ANKS4B: variants seen among roughly 807,000 people sequenced by gnomAD.
The protein encoded by ANKS4B is ankyrin repeat and SAM domain-containing protein 4B.
A neutral mutation model predicts 20.2 loss-of-function variants in ANKS4B; 21 were observed. The observed-to-expected ratio is 1.04, with a 90% confidence interval of 0.74 to 1.50. The LOEUF is 1.50. Ranked by LOEUF, ANKS4B falls within the 40% of genes most tolerant of loss-of-function variation. The probability of loss-of-function intolerance (pLI) is 0.00; values close to 1 mark genes in which losing one functional copy is unlikely to be tolerated. For missense variants in ANKS4B, 473 were observed against 494.6 expected (o/e 0.96, Z 0.41); for synonymous variants, 179 against 194.5 (o/e 0.92, Z 0.66).
At chr16:21,248,830 T>G (rs1567227276) in intron 1 of ANKS4B, among the ~76,000 whole-genome samples, 1 of 152,194 alleles carries the variant, frequency 6.6e-6, no homozygotes, top group Non-Finnish European at 1.5e-5. Context: ...CTCTTACCTG[T>G]CTCTTAAGAT....
rs905707947 is a variant in ANKS4B, at chr16:21,253,588, C to G, written c.*2768C>G. The G allele has an allele frequency of 3.3e-5, 5 of 152,154 alleles. No homozygotes were observed. The highest frequency in any genetic ancestry group is 1.2e-4 in the African/African-American group (5 of 41,424). The allele number at this position is 152,154 out of a possible 1,614,324, so 9.4% of individuals were successfully genotyped here. On this transcript the variant is annotated 3_prime_UTR_variant, in exon 2 of 2. Coordinates refer to ENST00000311620, the MANE Select transcript of ANKS4B (RefSeq NM_145865.3). ...TCTGCCTAATGAGATATTTGCTCCA[C>G]CCCCTGCTGTAACTACATCATAGCA...
rs373284270 is a variant in ANKS4B at position 21,233,753 on chromosome 16, C to T, written c.16C>T (p.His6Tyr). The T allele has an allele frequency of 1.8e-5, 29 of 1,613,694 alleles. No individual in the cohort carries two copies. The African/African-American group carries it at 3.9e-4, about 22-fold the overall frequency. The change falls in exon 1 of 2, where the codon CAC becomes TAC. Residue 6 changes from histidine to tyrosine, a missense_variant. Physicochemically the swap from His to Tyr is moderately conservative, Grantham distance 83 (BLOSUM62 2). Coordinates refer to ENST00000311620, the MANE Select transcript of ANKS4B (RefSeq NM_145865.3). MSTRY[H>Y]QAASDSYLEL... ...AGCAGGAAAAATGTCTACTCGTTAC[C>T]ACCAAGCTGCTAGTGATAGTTACCT...
rs149080875 is a variant in ANKS4B at position 21,241,157 on chromosome 16, G to A, written c.164+7256G>A. On this transcript the variant is annotated intron_variant, in intron 1 of 1. Coordinates refer to ENST00000311620, the MANE Select transcript of ANKS4B (RefSeq NM_145865.3). ...TTGCTGCATGGGTACACTGCATGGTGCTGGTGTTTGGGGTATGACTGATCC... is the reference window on the plus strand; with the variant it reads ...TTGCTGCATGGGTACACTGCATGGTACTGGTGTTTGGGGTATGACTGATCC... 3.9e-4 allele frequency among the ~76,000 whole-genome samples: 59 copies of A among 152,326 alleles called. 1 individual carries two copies. Among genetic ancestry groups the A allele is most frequent in the African/African-American group, 1.4e-3 (57 of 41,580 alleles).
Position 21,252,139 on chromosome 16 carries a change from G to A in ANKS4B, c.*1319G>A. 6.6e-6 allele frequency: 1 copy of A among 152,390 alleles called. No individual in the cohort carries two copies. Among genetic ancestry groups the A allele is most frequent in the Admixed American group, 6.5e-5 (1 of 15,300 alleles). The allele number at this position is 152,390 out of a possible 1,614,324, so 9.4% of individuals were successfully genotyped here. ...GTAGAGGCGGGGTTTCACCATGTTG[G>A]CCAGGCTGGTCTCAAACTCCTGACC... On this transcript the variant is annotated 3_prime_UTR_variant, in exon 2 of 2. Transcript: ENST00000311620.
At chr16:21,235,476 G>C (rs2093319222) in intron 1 of ANKS4B, among the ~76,000 whole-genome samples, 2 of 152,198 alleles carry the variant, frequency 1.3e-5, no homozygotes, top group African/African-American at 4.8e-5. Context: ...GTCTTGGGTA[G>C]GGAAGCTGCC....
At position 21,249,817 on chromosome 16, in the gene ANKS4B, T is replaced by C. The variant is rs1455007105; in HGVS notation, c.251T>C (p.Leu84Pro). 2 of 1,614,224 alleles carry C rather than the reference T, an allele frequency of 1.2e-6. No individual in the cohort carries two copies. Among genetic ancestry groups the C allele is most frequent in the Non-Finnish European group, 1.7e-6 (2 of 1,180,040 alleles). The change falls in exon 2 of 2, where the codon CTG becomes CCG. Residue 84 changes from leucine to proline, a missense_variant. Leu to Pro is a moderately conservative substitution (Grantham distance 98). Coordinates refer to ENST00000311620, the MANE Select transcript of ANKS4B (RefSeq NM_145865.3). ...SNGHAHCVSFLVNFGANIFAL... is the reference protein window; with the variant it reads ...SNGHAHCVSFPVNFGANIFAL... ...GGCCATGCCCACTGCGTCTCATTCC[T>C]GGTCAACTTTGGTGCCAACATCTTT...
At chr16:21,247,410 G>A (rs2093333695) in intron 1 of ANKS4B, among the ~76,000 whole-genome samples, 1 of 152,286 alleles carries the variant, frequency 6.6e-6, no homozygotes, top group Admixed American at 6.5e-5. Context: ...GAGACCCAAC[G>A]TTGAGCAGCC....
intron 1 of ANKS4B, among the ~76,000 whole-genome samples, chr16:21,245,349 C>T (rs189476426): frequency 1.2e-4 from 18 of 152,196 alleles, no homozygotes; most frequent in Admixed American, 2.6e-4. Context: ...AGACTTCTGC[C>T]GGGACATGTG....
chr16:21,240,329 C>T (rs1481841727), intron 1 of ANKS4B, among the ~76,000 whole-genome samples: 2 of 151,842 alleles, frequency 1.3e-5, no homozygotes, highest in African/African-American at 4.8e-5. Flanking sequence ...GCTTCTGTCG[C>T]CCATCCTGGA....
intron 1 of ANKS4B, among the ~76,000 whole-genome samples, chr16:21,245,204 C>T (rs1053385679): frequency 2.6e-5 from 4 of 152,052 alleles, no homozygotes; most frequent in South Asian, 2.1e-4. Flanking sequence ...ATATTGTTTC[C>T]GCTTTGATTC....
chr16:21,250,672 T>C lies in ANKS4B; in HGVS notation c.1106T>C (p.Ile369Thr). The C allele has an allele frequency of 1.9e-6, 3 of 1,613,788 alleles. No individual in the cohort carries two copies. Among genetic ancestry groups the C allele is most frequent in the Non-Finnish European group, 2.5e-6 (3 of 1,179,634 alleles). The change falls in exon 2 of 2, where the codon ATT becomes ACT. Residue 369 changes from isoleucine to threonine, a missense_variant. By Grantham distance (89) the Ile-to-Thr change is moderately conservative. Coordinates refer to ENST00000311620, the MANE Select transcript of ANKS4B (RefSeq NM_145865.3). ...EFLPIFKREQ[I>T]DLEALLLCSD... Reference sequence around the variant, plus strand: ...CTGCCTATCTTCAAGAGAGAGCAGATTGATCTAGAAGCTCTGCTGCTCTGC... The same window carrying C: ...CTGCCTATCTTCAAGAGAGAGCAGACTGATCTAGAAGCTCTGCTGCTCTGC...
At chr16:21,245,519 G>T (rs977903071) in intron 1 of ANKS4B, among the ~76,000 whole-genome samples, 18 of 151,966 alleles carry the variant, frequency 1.2e-4, no homozygotes, top group African/African-American at 4.4e-4. Flanking sequence ...TGTCACCCAG[G>T]CTGGAGTGCG....
rs1193215211 is a variant in ANKS4B, at chr16:21,253,292, T to A, written c.*2472T>A. ...GATTCAAGTTTAGGGAGGATACAGA[T>A]GCTCAAATCTGATGAACAATTGGCT... On this transcript the variant is annotated 3_prime_UTR_variant, in exon 2 of 2. Coordinates refer to ENST00000311620, the MANE Select transcript of ANKS4B (RefSeq NM_145865.3). 6.6e-6 allele frequency: 1 copy of A among 152,220 alleles called. No individual in the cohort carries two copies. Among genetic ancestry groups the A allele is most frequent in the East Asian group, 1.9e-4 (1 of 5,198 alleles). The allele number at this position is 152,220 out of a possible 1,614,324, so 9.4% of individuals were successfully genotyped here. A position where few individuals can be genotyped will look rare whatever the true frequency, so the allele number is the denominator to read the frequency against.
At position 21,250,847 on chromosome 16, in the gene ANKS4B, G is replaced by A; in HGVS notation, c.*27G>A. The A allele has an allele frequency of 2.6e-6, 4 of 1,557,642 alleles. No individual in the cohort carries two copies. Among genetic ancestry groups the A allele is most frequent in the Non-Finnish European group, 3.5e-6 (4 of 1,148,318 alleles). On this transcript the variant is annotated 3_prime_UTR_variant, in exon 2 of 2. Coordinates refer to ENST00000311620, the MANE Select transcript of ANKS4B (RefSeq NM_145865.3). ...GGAGAGTTTTGGCCTGGAGCATTGG[G>A]GTGATGCTGTGGCCCGCTGGCAGCA... is the stretch of plus-strand genomic sequence containing the variant.
At chr16:21,247,997 C>T (rs1597607066) in intron 1 of ANKS4B, among the ~76,000 whole-genome samples, 2 of 152,270 alleles carry the variant, frequency 1.3e-5, no homozygotes, top group East Asian at 1.9e-4. Flanking sequence ...CTGTTTGCTA[C>T]CTCTCCAACA....
Position 21,233,826 on chromosome 16 carries a change from AAG to A in ANKS4B, c.91_92del (p.Asp31ArgfsTer23). 1.2e-6 allele frequency: 2 copies of A among 1,614,016 alleles called. No homozygotes were observed. The highest frequency in any genetic ancestry group is 1.1e-5 in the South Asian group (1 of 91,040). ...AAGCGAGATCTAAATCTTTCGGATG[AAG>A]ACGGCATGACTCCTACTCTCTTGGC... On this transcript the variant is annotated frameshift_variant, in exon 1 of 2. Coordinates refer to ENST00000311620, the MANE Select transcript of ANKS4B (RefSeq NM_145865.3). LOFTEE classifies it high-confidence loss of function.
intron 1 of ANKS4B, among the ~76,000 whole-genome samples, chr16:21,247,092 G>A (rs1351619534): frequency 4.7e-5 from 7 of 150,282 alleles, no homozygotes; most frequent in Admixed American, 6.6e-5. Context: ...TTTGGAGAGA[G>A]TCTCACTCTG....
chr16:21,252,952 AG>A lies in ANKS4B; in HGVS notation c.*2134del, dbSNP rs2093341374. The A allele has an allele frequency of 6.7e-6, 1 of 149,066 alleles. No individual in the cohort carries two copies. Among genetic ancestry groups the A allele is most frequent in the African/African-American group, 2.5e-5 (1 of 40,542 alleles). The allele number at this position is 149,066 out of a possible 1,614,324, so 9.2% of individuals were successfully genotyped here. On this transcript the variant is annotated 3_prime_UTR_variant, in exon 2 of 2. Transcript: ENST00000311620. ...GGCAAGAGAATTGCTTGAACCCAAA[AG>A]GTGGAGGTTGCAGTGAGTTGAGATT...
At chr16:21,249,290 C>A (rs1372200447) in intron 1 of ANKS4B, among the ~76,000 whole-genome samples, 4 of 152,200 alleles carry the variant, frequency 2.6e-5, no homozygotes, top group African/African-American at 9.7e-5. Flanking sequence ...TTGCGACCAG[C>A]CTGGGCAACA....
Sources: allele counts gnomAD v4.1 joint callset (sites outside exome capture counted in the v4.1 genomes callset), GRCh38; gene constraint gnomAD v4.1.1; transcripts MANE v1.5; gene names NCBI Gene and HGNC (gene_info 2026-07-23, HGNC 2026-07-21).